PIEZO2: variants seen among roughly 807,000 people sequenced by gnomAD.
The protein encoded by PIEZO2 is piezo-type mechanosensitive ion channel component 2.
PIEZO2 carries 172 observed loss-of-function variants against 337.3 expected under a neutral mutation model. The observed-to-expected ratio is 0.51, with a 90% CI of 0.45 to 0.58. PIEZO2 has a LOEUF of 0.58. Ranked by LOEUF, PIEZO2 falls within the 20% of genes least tolerant of loss-of-function variation. The pLI is 0.00. For synonymous variants in PIEZO2, 1,251 were observed against 1,228.5 expected (o/e 1.02, Z -0.38); for missense variants, 3,028 against 3,391.3 (o/e 0.89, Z 2.66).
chr18:10,807,006 T>C, intron 8 of PIEZO2, 106 bp downstream of exon 8: 1 of 1,159,614 alleles, frequency 8.6e-7, no homozygotes, highest in Non-Finnish European at 1.2e-6. Flanking sequence ...TAGAGTTGTG[T>C]TGGAATAGAG....
chr18:11,102,415 C>G lies in PIEZO2; in HGVS notation c.65-36193G>C, dbSNP rs2039446183. ...TCTCCTCCTGTCAGTGGGCAAAACC[C>G]TGATCTGATTGAAGATCGAATCTCA... On this transcript the variant is annotated intron_variant, in intron 1 of 55. Coordinates refer to ENST00000674853, the MANE Select transcript of PIEZO2 (RefSeq NM_001378183.1). This position sits in a 1 kb window ranked among gnomAD's most constrained non-coding sequence, Gnocchi z 5.7. Among the ~76,000 whole-genome samples the G allele has an allele frequency of 6.6e-6, 1 of 152,184 alleles. No individual in the cohort carries two copies. The highest frequency in any genetic ancestry group is 2.4e-5 in the African/African-American group (1 of 41,444).
rs946908318 is a variant in PIEZO2 at position 11,149,540 on chromosome 18, C to T, written c.-952G>A. 2.0e-5 allele frequency among the ~76,000 whole-genome samples: 3 copies of T among 151,778 alleles called. No individual in the cohort carries two copies. Among genetic ancestry groups the T allele is most frequent in the Non-Finnish European group, 1.5e-5 (1 of 67,876 alleles). ...CGCCCTCGCGGCGCAGCCGGGGCTCCCCGGCGGCGCGCGCTTCTCCACCTT... is the reference window on the plus strand; with the variant it reads ...CGCCCTCGCGGCGCAGCCGGGGCTCTCCGGCGGCGCGCGCTTCTCCACCTT... On this transcript the variant is annotated 5_prime_UTR_variant, in exon 1 of 56. Transcript: ENST00000674853. The surrounding 1 kb of genome is among the most constrained non-coding windows in gnomAD (Gnocchi z 8.7).
chr18:10,773,602 C>A lies in PIEZO2; in HGVS notation c.2595G>T (p.Pro865=). The A allele has an allele frequency of 6.5e-7, 1 of 1,537,248 alleles. No homozygotes were observed. Among genetic ancestry groups the A allele is most frequent in the Non-Finnish European group, 8.7e-7 (1 of 1,146,924 alleles). ...NELAHPEGSL[P]DLTMMHLTAS... is the part of the protein sequence containing the mutation. The stretch of plus-strand genomic sequence containing the variant: ...CAGTCAGATGCATCATGGTGAGGTC[C>A]GGGAGGCTTCCTTCCGGGTGGGCCA... Residue 865 remains proline, a synonymous_variant, in exon 20 of 56, where the codon CCG becomes CCT. Coordinates refer to ENST00000674853, the MANE Select transcript of PIEZO2 (RefSeq NM_001378183.1). The surrounding 1 kb of genome is among the most constrained non-coding windows in gnomAD (Gnocchi z 5.3).
chr18:10,731,444 T>A lies in PIEZO2; in HGVS notation c.4992A>T (p.Arg1664Ser), dbSNP rs1265532189. ...CTTTCCGCCTTCGTTTCCGTTCTTC[T>A]CTTGCAGACCTTTTTTTCTCTTTGT... ...QRHKEKKRSA[R>S]EERKRRRKGS... is the part of the protein sequence containing the mutation. Residue 1664 changes from arginine (R) to serine (S), a missense_variant, in exon 36 of 56, where the codon AGA becomes AGT. By Grantham distance (110) the Arg-to-Ser change is moderately radical. Transcript: ENST00000674853. 2.0e-6 allele frequency: 3 copies of A among 1,535,792 alleles called. No homozygotes were observed. The highest frequency in any genetic ancestry group is 2.6e-6 in the Non-Finnish European group (3 of 1,146,360).
chr18:10,809,195 A>G (rs2040096314), intron 7 of PIEZO2, among the ~76,000 whole-genome samples: 1 of 150,460 alleles, frequency 6.6e-6, no homozygotes, highest in African/African-American at 2.4e-5. Context: ...GTTGTCTCCT[A>G]CAGGAACGTT....
chr18:10,725,804 C>T (rs1288731977), intron 36 of PIEZO2, among the ~76,000 whole-genome samples: 1 of 152,334 alleles, frequency 6.6e-6, no homozygotes, highest in African/African-American at 2.4e-5. Context: ...CCAACCACCA[C>T]GCGGGCCCTC....
chr18:11,056,810 A>G (rs1195009725), intron 2 of PIEZO2, among the ~76,000 whole-genome samples: 1 of 152,014 alleles, frequency 6.6e-6, no homozygotes, highest in African/African-American at 2.4e-5. Context: ...CCAGGTGTCC[A>G]TGGTGCTCCT....
intron 2 of PIEZO2, among the ~76,000 whole-genome samples, chr18:11,024,042 C>G (rs879919081): frequency 2.6e-5 from 4 of 152,206 alleles, no homozygotes; most frequent in South Asian, 2.1e-4. Flanking sequence ...CACACCTCCC[C>G]GCAAGCTGAG....
chr18:10,846,367 A>G lies in PIEZO2; in HGVS notation c.917+8986T>C, dbSNP rs981592259. On this transcript the variant is annotated intron_variant, in intron 7 of 55. Transcript: ENST00000674853. This position sits in a 1 kb window ranked among gnomAD's most constrained non-coding sequence, Gnocchi z 4.1. The stretch of plus-strand genomic sequence containing the variant: ...AGGAAAGACCTGCCCCCATAATTCA[A>G]TCACCTCCCACCGGGGATGAGATTT... Among the ~76,000 whole-genome samples, 3 of 152,152 alleles carry G rather than the reference A, an allele frequency of 2.0e-5. No homozygotes were observed. Among genetic ancestry groups the G allele is most frequent in the Middle Eastern group, 3.2e-3 (1 of 316 alleles).
In PIEZO2 at chr18:10,696,100, G is replaced by A; in HGVS notation, c.7164C>T (p.Phe2388=). The A allele has an allele frequency of 6.2e-7, 1 of 1,614,110 alleles. No individual in the cohort carries two copies. The highest frequency in any genetic ancestry group is 8.5e-7 in the Non-Finnish European group (1 of 1,179,964). ...TCTCAGTCACACCAGGTAAGATGAA[G>A]AACATCCAGAAGTGAATTCCGAACA... ...ILVFGIHFWM[F]FILPGVTERK... Residue 2388 remains phenylalanine (F), a synonymous_variant, in exon 47 of 56, where the codon TTC becomes TTT. Coordinates refer to ENST00000674853, the MANE Select transcript of PIEZO2 (RefSeq NM_001378183.1).
chr18:10,797,420 T>C lies in PIEZO2; in HGVS notation c.1481A>G (p.Gln494Arg), dbSNP rs1395659841. The C allele has an allele frequency of 6.5e-7, 1 of 1,537,086 alleles. No individual in the cohort carries two copies. The highest frequency in any genetic ancestry group is 8.7e-7 in the Non-Finnish European group (1 of 1,146,902). The change falls in exon 12 of 56, where the codon CAA (glutamine) becomes CGA (arginine). Residue 494 changes from glutamine to arginine, a missense_variant. Gln to Arg is a conservative substitution (Grantham distance 43). This residue lies in a region of PIEZO2 where 542 missense variants were observed against 605.6 expected (regional missense o/e 0.89). Transcript: ENST00000674853. ...GATGTAACTTTGTTTCATAATAAAT[T>C]GGAATACGGAGACCATGGCATGAAC... The part of the protein sequence containing the change: ...IKVHAMVSVF[Q>R]FIMKQSYICA...
chr18:10,813,187 G>A lies in PIEZO2; in HGVS notation c.918-5913C>T, dbSNP rs149845482. 5.3e-5 allele frequency among the ~76,000 whole-genome samples: 8 copies of A among 152,152 alleles called. No homozygotes were observed. The highest frequency in any genetic ancestry group is 1.0e-4 in the Non-Finnish European group (7 of 67,992). On this transcript the variant is annotated intron_variant, in intron 7 of 55. Transcript: ENST00000674853. This position sits in a 1 kb window ranked among gnomAD's most constrained non-coding sequence, Gnocchi z 4.2. ...GTAGAGAAGGGATTTCACCATGTTG[G>A]CCAGGCTGGTCTCCAACTCCTGACC...
chr18:10,796,045 T>G (rs1460119769), intron 12 of PIEZO2, among the ~76,000 whole-genome samples: 4 of 151,996 alleles, frequency 2.6e-5, no homozygotes, highest in African/African-American at 7.3e-5. Context: ...GGAACCACGG[T>G]TGCTTGATGC....
At chr18:11,103,903 G>A (rs1462757271) in intron 1 of PIEZO2, among the ~76,000 whole-genome samples, 4 of 152,008 alleles carry the variant, frequency 2.6e-5, no homozygotes, top group African/African-American at 9.7e-5. Flanking sequence ...TCGGCTCACT[G>A]CAACCTCAGC....
rs566787163 is a variant in PIEZO2, at chr18:10,968,233, T to G, written c.286+11302A>C. On this transcript the variant is annotated intron_variant, in intron 3 of 55. Coordinates refer to ENST00000674853, the MANE Select transcript of PIEZO2 (RefSeq NM_001378183.1). ...CCTTTCCTCACTTTATGTTCTTGTT[T>G]GCTTTATCAAAGATCAGTTAGCTGT... 5.3e-5 allele frequency among the ~76,000 whole-genome samples: 8 copies of G among 152,310 alleles called. No individual in the cohort carries two copies. In the South Asian group the frequency reaches 1.7e-3, roughly 32 times the overall value.
At chr18:10,760,190 T>G (rs748308516) in intron 24 of PIEZO2, among the ~76,000 whole-genome samples, 7 of 152,250 alleles carry the variant, frequency 4.6e-5, no homozygotes, top group Admixed American at 2.0e-4. Context: ...ACATCACCAT[T>G]CCTACTTCAT....
At chr18:10,720,174 CTG>C (rs1383543632) in intron 36 of PIEZO2, among the ~76,000 whole-genome samples, 4 of 145,406 alleles carry the variant, frequency 2.8e-5, no homozygotes, top group African/African-American at 1.0e-4. Flanking sequence ...AAAACTCAAA[CTG>C]GGCTTCATAT....
intron 7 of PIEZO2, among the ~76,000 whole-genome samples, chr18:10,817,920 CAAAA>C (rs34222546): frequency 6.2e-5 from 4 of 64,168 alleles, no homozygotes; most frequent in Non-Finnish European, 3.5e-5. Flanking sequence ...AAGACTCTGT[CAAAA>C]AAAAAAAAAA....
In PIEZO2 at chr18:10,677,622, G is replaced by A; in HGVS notation, c.8081+125C>T. ...TCTTGCAAAATGGGGCCTCCAAATA[G>A]AAATTAACTTTGTGTTACCAAAGAA... On this transcript the variant is annotated intron_variant, in intron 53 of 55. Coordinates refer to ENST00000674853, the MANE Select transcript of PIEZO2 (RefSeq NM_001378183.1). The surrounding 1 kb of genome is among the most constrained non-coding windows in gnomAD (Gnocchi z 4.1). The A allele has an allele frequency of 8.1e-7, 1 of 1,233,046 alleles. No homozygotes were observed. Among genetic ancestry groups the A allele is most frequent in the South Asian group, 1.4e-5 (1 of 73,730 alleles). The allele number at this position is 1,233,046 out of a possible 1,614,324, so 76.4% of individuals were successfully genotyped here. A position where few individuals can be genotyped will look rare whatever the true frequency, so the allele number is the denominator to read the frequency against.
Sources: allele counts gnomAD v4.1 joint callset (sites outside exome capture counted in the v4.1 genomes callset), GRCh38; gene constraint gnomAD v4.1.1; regional missense constraint gnomAD v4.1.1; non-coding constraint Gnocchi (gnomAD v3.1); transcripts MANE v1.5; gene names NCBI Gene and HGNC (gene_info 2026-07-23, HGNC 2026-07-21).